The following HIBCH variants were observed in gnomAD, a reference collection of about 807,000 sequenced individuals.
The protein encoded by HIBCH is 3-hydroxyisobutyryl-CoA hydrolase.
In HIBCH, 50 loss-of-function variants were observed where a neutral mutation model predicts 58.2. The observed-to-expected ratio is 0.86, with a 90% CI of 0.68 to 1.09. The LOEUF (loss-of-function observed/expected upper bound fraction) is 1.09. Among genes scored for constraint, HIBCH ranks in the 50% least tolerant of loss-of-function variants. The pLI is 0.00. For synonymous variants in HIBCH, 151 were observed against 146.9 expected (o/e 1.03, Z -0.20); for missense variants, 450 against 449.7 (o/e 1.00, Z -0.01).
intron 1 of HIBCH, among the ~76,000 whole-genome samples, chr2:190,191,187 G>T (rs773431847): frequency 6.6e-6 from 1 of 152,088 alleles, no homozygotes; most frequent in South Asian, 2.1e-4. Flanking sequence ...ACCCAGGCTG[G>T]AGTGCAGTTG....
intron 1 of HIBCH, among the ~76,000 whole-genome samples, chr2:190,312,428 A>G (rs772156693): frequency 5.3e-5 from 8 of 152,234 alleles, no homozygotes; most frequent in Non-Finnish European, 1.0e-4. Flanking sequence ...GCAGCCTGAT[A>G]AGGGCTGTGC....
chr2:190,283,785 T>C (rs1285402297), intron 6 of HIBCH, among the ~76,000 whole-genome samples: 1 of 152,172 alleles, frequency 6.6e-6, no homozygotes, highest in Non-Finnish European at 1.5e-5. Flanking sequence ...TAAAACAAAC[T>C]TTCTCAGGGG....
chr2:190,218,288 C>T (rs1386173606), intron 11 of HIBCH, among the ~76,000 whole-genome samples: 1 of 152,120 alleles, frequency 6.6e-6, no homozygotes, highest in African/African-American at 2.4e-5. Context: ...AGTCATTCTT[C>T]TGAAAACCAA....
intron 13 of HIBCH, among the ~76,000 whole-genome samples, chr2:190,208,149 T>C (rs1448208243): frequency 6.6e-6 from 1 of 152,154 alleles, no homozygotes; most frequent in African/African-American, 2.4e-5. Context: ...ATAAGCAAAA[T>C]GGAAAGTATT....
chr2:190,200,477 C>T, downstream of HIBCH: 1 of 214,644 alleles, frequency 4.7e-6, no homozygotes. Context: ...CCCCAAATTC[C>T]AATGGTTGAA....
At chr2:190,200,160 GACA>G (rs1445795203), downstream of HIBCH, 3 of 1,610,048 alleles carry the variant, frequency 1.9e-6, no homozygotes, top group Non-Finnish European at 2.5e-6. Flanking sequence ...GCTGTAGGAT[GACA>G]ACACTTTGAC....
chr2:190,305,020 CAA>C (rs1229246604), intron 2 of HIBCH, among the ~76,000 whole-genome samples: 101 of 152,200 alleles, frequency 6.6e-4, no homozygotes, highest in African/African-American at 2.4e-3. Context: ...ATTGGCAAAA[CAA>C]AGTCTCTAAA....
chr2:190,213,059 G>A lies in HIBCH; in HGVS notation c.908C>T (p.Ser303Phe). 6.2e-7 allele frequency: 1 copy of A among 1,607,784 alleles called. No individual in the cohort carries two copies. The highest frequency in any genetic ancestry group is 8.5e-7 in the Non-Finnish European group (1 of 1,174,516). ...TAGTGTGATCTTTAGAGATGTTGGA[G>A]ACATTTTATTAATTACCTTTTGGAG... ...LEQLKVINKM[S>F]PTSLKITLRQ... is the part of the protein sequence containing the mutation. The change falls in exon 12 of 14, where the codon TCT (serine) becomes TTT (phenylalanine). Residue 303 changes from serine to phenylalanine, a missense_variant. Physicochemically the swap from Ser to Phe is radical, Grantham distance 155. Transcript: ENST00000359678.
chr2:190,252,070 G>T, intron 8 of HIBCH, 92 bp downstream of exon 8: 1 of 1,179,690 alleles, frequency 8.5e-7, no homozygotes, highest in Non-Finnish European at 1.3e-6. Flanking sequence ...TTCACCAGAA[G>T]TCTGTGGCTC....
At chr2:190,275,152 C>G (rs1687513678) in intron 6 of HIBCH, among the ~76,000 whole-genome samples, 1 of 152,034 alleles carries the variant, frequency 6.6e-6, no homozygotes, top group African/African-American at 2.4e-5. Context: ...GTTGGGGAAC[C>G]AACTTCATTT....
At chr2:190,271,020 T>C (rs556539994) in intron 6 of HIBCH, among the ~76,000 whole-genome samples, 3 of 152,168 alleles carry the variant, frequency 2.0e-5, no homozygotes, top group African/African-American at 7.2e-5. Context: ...TTACATATTA[T>C]TATTAATTAT....
chr2:190,255,118 C>T (rs535063825), intron 7 of HIBCH, among the ~76,000 whole-genome samples: 2 of 152,294 alleles, frequency 1.3e-5, no homozygotes, highest in East Asian at 3.9e-4. Context: ...AATCATGGTA[C>T]TACAATATAA....
At chr2:190,240,041 T>C (rs1156283896) in intron 11 of HIBCH, among the ~76,000 whole-genome samples, 1 of 152,198 alleles carries the variant, frequency 6.6e-6, no homozygotes, top group Non-Finnish European at 1.5e-5. Context: ...AGTCCCTCTT[T>C]TTGTATTCTT....
intron 8 of HIBCH, chr2:190,250,265 G>T: frequency 2.5e-6 from 1 of 392,356 alleles, no homozygotes. Flanking sequence ...CTCACCTTAA[G>T]GCCGGCTGTA....
chr2:190,239,345 A>T (rs1686382439), intron 11 of HIBCH, among the ~76,000 whole-genome samples: 1 of 152,174 alleles, frequency 6.6e-6, no homozygotes, highest in African/African-American at 2.4e-5. Flanking sequence ...GTACCACTAT[A>T]CCATGCTGTT....
chr2:190,319,792 C>G lies in HIBCH; in HGVS notation c.-42G>C, dbSNP rs753304460. 8 of 1,596,658 alleles carry G rather than the reference C, an allele frequency of 5.0e-6. No individual in the cohort carries two copies. The East Asian group carries it at 1.8e-4, about 36-fold the overall frequency. ...GCTAAAGCAGCAGAGCGAGAATCTCCCGGACCGTTCCAGCGCCTCGCGTGA... is the reference window on the plus strand; with the variant it reads ...GCTAAAGCAGCAGAGCGAGAATCTCGCGGACCGTTCCAGCGCCTCGCGTGA... On this transcript the variant is annotated 5_prime_UTR_variant, in exon 1 of 14. Coordinates refer to ENST00000359678, the MANE Select transcript of HIBCH (RefSeq NM_014362.4).
At chr2:190,244,832 C>A in intron 11 of HIBCH, 55 bp downstream of exon 11, 2 of 1,113,366 alleles carry the variant, frequency 1.8e-6, no homozygotes, top group Non-Finnish European at 2.8e-6. Context: ...AGAGAGGCTT[C>A]CCTGTCACCG....
In HIBCH at chr2:190,297,062, A is replaced by C. The variant is rs1688125332; in HGVS notation, c.79-109T>G. On this transcript the variant is annotated intron_variant, in intron 2 of 13. Transcript: ENST00000359678. ...AATCTTGCATATTAATGGTAACTAA[A>C]GGAAAGAATAACTAGGTACACCTTA... 5 of 991,652 alleles carry C rather than the reference A, an allele frequency of 5.0e-6. No individual in the cohort carries two copies. In the South Asian group the frequency reaches 6.9e-5, roughly 14 times the overall value. The allele number at this position is 991,652 out of a possible 1,614,324, so 61.4% of individuals were successfully genotyped here.
At chr2:190,232,548 C>T (rs931104077) in intron 11 of HIBCH, among the ~76,000 whole-genome samples, 5 of 152,204 alleles carry the variant, frequency 3.3e-5, no homozygotes, top group Admixed American at 6.5e-5. Flanking sequence ...CTCCAGATTC[C>T]ACCATCTGTG....
Sources: gnomAD v4.1 joint callset for allele counts (sites outside exome capture counted in the v4.1 genomes callset) on GRCh38, gnomAD v4.1.1 for gene constraint, MANE v1.5 for transcripts, NCBI Gene and HGNC (gene_info 2026-07-23, HGNC 2026-07-21) for gene names.